Variants in EHMT1 observed in about 807,000 individuals in gnomAD.
EHMT1 encodes the protein euchromatic histone lysine methyltransferase 1, also known as histone-lysine N-methyltransferase EHMT1.
A neutral mutation model predicts 147.2 loss-of-function variants in EHMT1; 15 were observed. The observed-to-expected ratio is 0.10, with a 90% CI of 0.07 to 0.16. EHMT1 has a LOEUF of 0.16. Among genes scored for constraint, EHMT1 ranks in the 10% least tolerant of loss-of-function variants. The pLI is 1.00. For synonymous variants in EHMT1, 795 were observed against 709.6 expected, an observed-to-expected ratio of 1.12 and a Z score of -1.91; for missense variants, 1,587 against 1,772.4, an observed-to-expected ratio of 0.90 and a Z score of 1.88.
chr9:137,825,267 G>T (rs73581156), intron 25 of EHMT1, among the ~76,000 whole-genome samples: 22,126 of 152,198 alleles, frequency 0.15, 5,298 homozygotes, highest in African/African-American at 0.5. Context: ...GGAGACTCTT[G>T]GGGCTGCCTT....
intron 8 of EHMT1, among the ~76,000 whole-genome samples, chr9:137,755,209 GGTCCCTCCT>G (rs1221646307): frequency 1.3e-5 from 2 of 152,146 alleles, no homozygotes; most frequent in African/African-American, 4.8e-5. Flanking sequence ...TGTCACCCCG[GGTCCCTCCT>G]GCCCTTTGAT....
intron 4 of EHMT1, chr9:137,743,070 A>G (rs1948241483): frequency 5.1e-6 from 2 of 395,660 alleles, no homozygotes; most frequent in South Asian, 4.4e-5. Context: ...GAGCCCTGCT[A>G]CTGATGATTT....
intron 16 of EHMT1, among the ~76,000 whole-genome samples, chr9:137,792,785 G>C (rs753015793): frequency 5.9e-4 from 90 of 152,188 alleles, no homozygotes; most frequent in Non-Finnish European, 9.3e-4. Flanking sequence ...AAGACATGGG[G>C]GGAAAGCTTT....
intron 15 of EHMT1, chr9:137,785,118 G>A (rs1303687413): frequency 6.5e-6 from 1 of 154,110 alleles, no homozygotes; most frequent in East Asian, 1.9e-4. Flanking sequence ...TGGTCTGGAA[G>A]AGGCAGGAGC....
chr9:137,759,393 T>C (rs1375249142), intron 9 of EHMT1, among the ~76,000 whole-genome samples: 1 of 152,196 alleles, frequency 6.6e-6, no homozygotes, highest in East Asian at 1.9e-4. Context: ...TTTTGTCAAA[T>C]CGACTCCTGC....
At chr9:137,698,144 C>G (rs1943553882) in intron 1 of EHMT1, among the ~76,000 whole-genome samples, 1 of 152,220 alleles carries the variant, frequency 6.6e-6, no homozygotes, top group African/African-American at 2.4e-5. Context: ...AAACGGAGGC[C>G]ACTGTCACAA....
chr9:137,829,842 A>G (rs974316699), intron 25 of EHMT1, among the ~76,000 whole-genome samples: 6 of 152,156 alleles, frequency 3.9e-5, no homozygotes, highest in African/African-American at 1.4e-4. Flanking sequence ...GCTGTGTCCC[A>G]TAGGGAGCTT....
intron 12 of EHMT1, 144 bp from the exon 13 acceptor site, chr9:137,777,738 C>G (rs1342203002): frequency 1.6e-6 from 2 of 1,269,094 alleles, no homozygotes; most frequent in Non-Finnish European, 2.3e-6. Flanking sequence ...GGTTCTGAAT[C>G]CTGAACCGTT....
At chr9:137,752,493 AC>A in intron 7 of EHMT1, 85 bp downstream of exon 7, 2 of 1,496,220 alleles carry the variant, frequency 1.3e-6, no homozygotes, top group Non-Finnish European at 1.8e-6. Context: ...TTACCCAACA[AC>A]CCTTGTTGCC....
At chr9:137,619,313 G>A (rs1437090031) in intron 1 of EHMT1, among the ~76,000 whole-genome samples, 1 of 149,846 alleles carries the variant, frequency 6.7e-6, no homozygotes, top group Non-Finnish European at 1.5e-5. Context: ...CGGGGGCGCA[G>A]GTGAGGGAGG....
At chr9:137,623,432 T>G (rs1262520569) in intron 1 of EHMT1, among the ~76,000 whole-genome samples, 1 of 151,734 alleles carries the variant, frequency 6.6e-6, no homozygotes, top group Non-Finnish European at 1.5e-5. Context: ...TTTTTTTTTT[T>G]GAGATGGAGG....
intron 9 of EHMT1, among the ~76,000 whole-genome samples, chr9:137,761,520 C>T (rs1164579365): frequency 6.6e-6 from 1 of 152,212 alleles, no homozygotes; most frequent in African/African-American, 2.4e-5. Context: ...GTGGCACAAT[C>T]TCAGCTCACT....
rs1201767789 is a variant in EHMT1 at position 137,835,317 on chromosome 9, G to T, written c.*364G>T. 1.1e-5 allele frequency: 2 copies of T among 189,026 alleles called. No individual in the cohort carries two copies. Among genetic ancestry groups the T allele is most frequent in the African/African-American group, 4.7e-5 (2 of 42,294 alleles). The allele number at this position is 189,026 out of a possible 1,614,324, so 11.7% of individuals were successfully genotyped here. ...TCCGAGGTCCCCGCTGCACCACGGGGTTGCTCTGTTCTCCTGTCCGGCCCA... is the reference window on the plus strand; with the variant it reads ...TCCGAGGTCCCCGCTGCACCACGGGTTTGCTCTGTTCTCCTGTCCGGCCCA... On this transcript the variant is annotated 3_prime_UTR_variant, in exon 27 of 27. Transcript: ENST00000460843.
chr9:137,669,450 C>CTGAGAG (rs1940220280), intron 1 of EHMT1, among the ~76,000 whole-genome samples: 1 of 150,444 alleles, frequency 6.6e-6, no homozygotes, highest in Non-Finnish European at 1.5e-5. Context: ...ACAGCACGTG[C>CTGAGAG]ACTCACCTCC....
intron 3 of EHMT1, among the ~76,000 whole-genome samples, chr9:137,720,919 C>A (rs1032389159): frequency 2.0e-4 from 31 of 152,088 alleles, no homozygotes; most frequent in Admixed American, 1.6e-3. Flanking sequence ...TTTCATTGAA[C>A]GAGGAAATTG....
intron 3 of EHMT1, among the ~76,000 whole-genome samples, chr9:137,725,686 A>G (rs764860692): frequency 1.3e-5 from 2 of 152,184 alleles, no homozygotes; most frequent in Non-Finnish European, 2.9e-5. Flanking sequence ...CAAGGACCAC[A>G]TGGCAGCAAG....
At chr9:137,772,221 C>T (rs910710849) in intron 10 of EHMT1, among the ~76,000 whole-genome samples, 1 of 152,092 alleles carries the variant, frequency 6.6e-6, no homozygotes. Context: ...CACACCTCTC[C>T]AAGCACAAAA....
intron 10 of EHMT1, among the ~76,000 whole-genome samples, chr9:137,770,706 A>T (rs1005758882): frequency 6.6e-6 from 1 of 152,176 alleles, no homozygotes; most frequent in African/African-American, 2.4e-5. Context: ...AGAAGGATCC[A>T]TGTAGGCCTC....
intron 1 of EHMT1, among the ~76,000 whole-genome samples, chr9:137,660,990 C>G (rs1361242017): frequency 1.3e-5 from 2 of 152,104 alleles, no homozygotes; most frequent in African/African-American, 4.8e-5. Context: ...CTTTCTAATC[C>G]CAGGCCTCAG....
Sources: gnomAD v4.1 joint callset for allele counts (sites outside exome capture counted in the v4.1 genomes callset) on GRCh38, gnomAD v4.1.1 for gene constraint, MANE v1.5 for transcripts, NCBI Gene and HGNC (gene_info 2026-07-23, HGNC 2026-07-21) for gene names.